MYH7B: variants seen among roughly 807,000 people sequenced by gnomAD.
MYH7B encodes myosin-7B.
In MYH7B, 205 loss-of-function variants were observed where a neutral mutation model predicts 234.5. That is an observed-to-expected ratio of 0.87 (90% CI 0.78 to 0.98). MYH7B has a LOEUF of 0.98. Among genes scored for constraint, MYH7B ranks in the 50% least tolerant of loss-of-function variants. MYH7B has a pLI of 0.00. For missense variants in MYH7B, 2,652 were observed against 2,633.4 expected (o/e 1.01, Z -0.15); for synonymous variants, 1,193 against 1,105.0 (o/e 1.08, Z -1.58).
At chr20:34,986,971 G>A (rs368131567) in exon 15 of MYH7B, 21 of 1,613,696 alleles carry the variant, frequency 1.3e-5, no homozygotes, top group Non-Finnish European at 1.7e-5. Context: ...ATGATGGGGA[G>A]GAGCTCATCG....
exon 2 of MYH7B, among the ~76,000 whole-genome samples, chr20:34,958,101 C>T (rs144580687): frequency 6.6e-6 from 1 of 152,318 alleles, no homozygotes; most frequent in African/African-American, 2.4e-5. Flanking sequence ...TGTGCAGGTT[C>T]CCCTCTTCCA....
At chr20:35,002,041 G>A (rs1481821133) in exon 44 of MYH7B, 1 of 1,613,926 alleles carries the variant, frequency 6.2e-7, no homozygotes, top group African/African-American at 1.3e-5. Flanking sequence ...GGAAACCCAG[G>A]CCAACAAGCT....
chr20:34,980,644 G>A lies in MYH7B; in HGVS notation c.409G>A (p.Val137Ile), dbSNP rs370219232. The A allele has an allele frequency of 3.4e-5, 55 of 1,614,060 alleles. No homozygotes were observed. The highest frequency in any genetic ancestry group is 3.9e-5 in the Non-Finnish European group (46 of 1,180,024). Residue 137 changes from valine (V) to isoleucine (I), a missense_variant, in exon 8 of 45, where the codon GTA becomes ATA. Val to Ile is a conservative substitution (Grantham distance 29). Transcript: ENST00000262873. Reference sequence around the variant, plus strand: ...ATGGCTCCCAGTCTATACGGCCTCCGTAGTGGCTGCTTACAAGGGAAAGCG... The same window carrying A: ...ATGGCTCCCAGTCTATACGGCCTCCATAGTGGCTGCTTACAAGGGAAAGCG...
At chr20:34,972,690 C>T (rs1200195994) in intron 2 of MYH7B, among the ~76,000 whole-genome samples, 1 of 152,152 alleles carries the variant, frequency 6.6e-6, no homozygotes, top group Non-Finnish European at 1.5e-5. Flanking sequence ...AGTGCAGTGG[C>T]ATGATCTCAG....
chr20:34,995,419 G>A (rs1483546654), exon 28 of MYH7B: 3 of 1,613,950 alleles, frequency 1.9e-6, no homozygotes, highest in Admixed American at 1.7e-5. Context: ...AGGTGAAGGA[G>A]CTGAGTGAGC....
At chr20:34,988,174 A>G in exon 19 of MYH7B, 6 of 1,614,168 alleles carry the variant, frequency 3.7e-6, no homozygotes, top group Non-Finnish European at 5.1e-6. Flanking sequence ...TTTGTGCTGG[A>G]GCAGGAGGAG....
intron 24 of MYH7B, among the ~76,000 whole-genome samples, chr20:34,991,394 G>A (rs1316239985): frequency 2.6e-5 from 4 of 152,190 alleles, no homozygotes; most frequent in Non-Finnish European, 4.4e-5. Flanking sequence ...CAGAAAAGAC[G>A]AATGATTTCT....
At chr20:34,990,856 C>G (rs756800516) in intron 23 of MYH7B, 31 bp downstream of exon 23, 2 of 1,611,482 alleles carry the variant, frequency 1.2e-6, no homozygotes, top group Admixed American at 3.3e-5. Flanking sequence ...TGGCTGGGGC[C>G]GGGAGGCATC....
At chr20:34,973,069 G>T (rs758958039) in intron 2 of MYH7B, among the ~76,000 whole-genome samples, 16 of 152,244 alleles carry the variant, frequency 1.1e-4, no homozygotes, top group Admixed American at 2.6e-4. Flanking sequence ...CTTTGATGGC[G>T]CCCCAACTCC....
At chr20:35,001,758 A>C (rs2082390810) in intron 43 of MYH7B, among the ~76,000 whole-genome samples, 190 bp from the exon 44 acceptor site, 1 of 152,172 alleles carries the variant, frequency 6.6e-6, no homozygotes, top group Non-Finnish European at 1.5e-5. Context: ...TGGGGCAGGC[A>C]CAAAAAGGCA....
In MYH7B at chr20:35,000,912, T is replaced by C; in HGVS notation, c.5304+19T>C. 2 of 1,063,632 alleles carry C rather than the reference T, an allele frequency of 1.9e-6. No individual in the cohort carries two copies. Among genetic ancestry groups the C allele is most frequent in the Non-Finnish European group, 2.6e-6 (2 of 782,992 alleles). The allele number at this position is 1,063,632 out of a possible 1,614,324, so 65.9% of individuals were successfully genotyped here. A position where few individuals can be genotyped will look rare whatever the true frequency, so the allele number is the denominator to read the frequency against. On this transcript the variant is annotated intron_variant, in intron 40 of 44. Transcript: ENST00000262873. ...CACTGATGTGAGGCTGGGCAAGGGC[T>C]GTGGGGAGCCTGGGACAGAATTGCA... is the stretch of plus-strand genomic sequence containing the variant.
At chr20:35,001,037 A>G in exon 41 of MYH7B, 1 of 1,613,834 alleles carries the variant, frequency 6.2e-7, no homozygotes. Flanking sequence ...ACAAGTGCAC[A>G]CCTGGAACGG....
chr20:34,974,227 T>A (rs1422550813), intron 2 of MYH7B, among the ~76,000 whole-genome samples: 4 of 112,750 alleles, frequency 3.5e-5, no homozygotes, highest in Non-Finnish European at 7.0e-5. Context: ...ATGCCCAGCC[T>A]TTTTTTTTTT....
intron 2 of MYH7B, among the ~76,000 whole-genome samples, chr20:34,975,027 C>CA (rs1260479567): frequency 6.6e-6 from 1 of 152,006 alleles, no homozygotes; most frequent in African/African-American, 2.4e-5. Flanking sequence ...TCCATTCAAA[C>CA]AAATTCTGAA....
At chr20:34,967,900 T>C (rs904795605) in intron 2 of MYH7B, among the ~76,000 whole-genome samples, 13 of 152,196 alleles carry the variant, frequency 8.5e-5, no homozygotes, top group Admixed American at 1.3e-4. Context: ...GGATTTCACA[T>C]GTGGGCCCCA....
At chr20:34,993,782 G>A (rs964717987) in intron 26 of MYH7B, among the ~76,000 whole-genome samples, 1 of 152,236 alleles carries the variant, frequency 6.6e-6, no homozygotes, top group African/African-American at 2.4e-5. Context: ...TGGTTAAAGC[G>A]CTGACGGTCC....
intron 10 of MYH7B, 142 bp from the exon 11 acceptor site, chr20:34,984,550 C>T: frequency 1.4e-6 from 1 of 728,036 alleles, no homozygotes. Context: ...GGCCGAGGGG[C>T]TGAGGGTGGG....
chr20:34,991,142 G>A (rs2082140609), intron 24 of MYH7B, 21 bp downstream of exon 24: 16 of 1,551,080 alleles, frequency 1.0e-5, no homozygotes, highest in East Asian at 2.2e-5. Flanking sequence ...CCTTCCCCCT[G>A]CCTGCTGCTC....
chr20:34,995,318 G>A lies in MYH7B; in HGVS notation c.2701-18G>A, dbSNP rs114379313. On this transcript the variant is annotated intron_variant, in intron 27 of 44. Transcript: ENST00000262873. ...CCTGGCCCTCCCCCAACCTGGCCCC[G>A]TTCCGTGTGCCCTCCAGGAGCAGGA... 2,153 of 1,608,254 alleles carry A rather than the reference G, an allele frequency of 1.3e-3. 31 individuals are homozygous for A. The African/African-American group carries it at 0.025, about 19-fold the overall frequency.
Sources: allele counts gnomAD v4.1 joint callset (sites outside exome capture counted in the v4.1 genomes callset), GRCh38; gene constraint gnomAD v4.1.1; transcripts MANE v1.5; gene names NCBI Gene and HGNC (gene_info 2026-07-23, HGNC 2026-07-21).